The following CNTN4 variants were observed in gnomAD, a reference collection of about 807,000 sequenced individuals.
The protein encoded by CNTN4 is contactin-4.
Under a neutral mutation model 122.5 loss-of-function variants are expected in CNTN4, and 77 were observed. The observed-to-expected ratio is 0.63, with a 90% CI of 0.52 to 0.76. The LOEUF is 0.76. CNTN4 is among the 30% of genes least tolerant of loss of function. The pLI, the probability that CNTN4 is intolerant of heterozygous loss-of-function variation, is 0.00. For synonymous variants in CNTN4, 512 were observed against 447.0 expected (o/e 1.15, Z -1.83); for missense variants, 1,256 against 1,259.1 (o/e 1.00, Z 0.04).
intron 2 of CNTN4, among the ~76,000 whole-genome samples, chr3:2,157,744 A>T (rs17786662): frequency 0.5 from 75,594 of 152,044 alleles, 19,619 homozygotes; most frequent in East Asian, 0.76. Context: ...TCAAATTCTC[A>T]TCACTAAGTT....
intron 7 of CNTN4, among the ~76,000 whole-genome samples, chr3:2,861,960 T>C (rs1174610587): frequency 6.6e-6 from 1 of 152,254 alleles, no homozygotes. Flanking sequence ...TAAAGGAACA[T>C]ATGGCTTCCT....
chr3:2,902,778 C>G lies in CNTN4; in HGVS notation c.1078-98C>G, dbSNP rs930773075. The G allele has an allele frequency of 8.4e-6, 11 of 1,307,696 alleles. No homozygotes were observed. In the African/African-American group the frequency reaches 1.6e-4, roughly 19 times the overall value. 81.0% of individuals were successfully genotyped at this position (1,307,696 alleles called of 1,614,324 possible). ...AAATTGCTTATATGATGGCTGTTTT[C>G]TTCCCATTAAGCTTCCTTGATATTA... On this transcript the variant is annotated intron_variant, in intron 11 of 24. Transcript: ENST00000418658.
chr3:2,401,525 A>G (rs1575556521), intron 3 of CNTN4, among the ~76,000 whole-genome samples: 1 of 152,184 alleles, frequency 6.6e-6, no homozygotes, highest in Non-Finnish European at 1.5e-5. Context: ...TTCACAACTT[A>G]AAGCTTTATT....
chr3:2,298,358 G>A (rs927887077), intron 2 of CNTN4, among the ~76,000 whole-genome samples: 1 of 151,976 alleles, frequency 6.6e-6, no homozygotes, highest in Non-Finnish European at 1.5e-5. Context: ...GTCAGAATTA[G>A]TATATTAATT....
chr3:2,373,605 G>T (rs1232942544), intron 3 of CNTN4, among the ~76,000 whole-genome samples: 3 of 152,112 alleles, frequency 2.0e-5, no homozygotes, highest in Admixed American at 1.3e-4. Flanking sequence ...AATGCTTCTG[G>T]TACAAGCATG....
intron 2 of CNTN4, among the ~76,000 whole-genome samples, chr3:2,227,650 A>G (rs543389944): frequency 5.8e-4 from 89 of 152,298 alleles, no homozygotes; most frequent in South Asian, 4.6e-3. Flanking sequence ...AAGAACACAG[A>G]GAAGAGTGGC....
intron 2 of CNTN4, among the ~76,000 whole-genome samples, chr3:2,257,218 G>A (rs2040633162): frequency 6.6e-6 from 1 of 152,176 alleles, no homozygotes; most frequent in Non-Finnish European, 1.5e-5. Context: ...AATGGTGTTG[G>A]GAAAACTGGC....
At chr3:2,716,604 A>G (rs2087511739) in intron 4 of CNTN4, among the ~76,000 whole-genome samples, 1 of 152,196 alleles carries the variant, frequency 6.6e-6, no homozygotes, top group Non-Finnish European at 1.5e-5. Context: ...TTATTGGAGA[A>G]GAGATACACT....
At chr3:2,654,309 AT>A (rs2083485461) in intron 4 of CNTN4, among the ~76,000 whole-genome samples, 1 of 152,234 alleles carries the variant, frequency 6.6e-6, no homozygotes, top group Non-Finnish European at 1.5e-5. Context: ...TCCCCTCAAA[AT>A]TAGAAGTCTC....
At chr3:2,387,225 G>C (rs902085095) in intron 3 of CNTN4, among the ~76,000 whole-genome samples, 2 of 152,104 alleles carry the variant, frequency 1.3e-5, no homozygotes, top group African/African-American at 4.8e-5. Context: ...AGTCTATTTT[G>C]CTGTATATCT....
intron 3 of CNTN4, among the ~76,000 whole-genome samples, chr3:2,461,552 C>G (rs2049211274): frequency 6.6e-6 from 1 of 152,182 alleles, no homozygotes; most frequent in African/African-American, 2.4e-5. Flanking sequence ...AGAACCTGAG[C>G]TCTTAACCGC....
intron 3 of CNTN4, among the ~76,000 whole-genome samples, chr3:2,425,576 A>C (rs920266577): frequency 6.6e-6 from 1 of 152,086 alleles, no homozygotes; most frequent in Non-Finnish European, 1.5e-5. Context: ...TTCCATATGA[A>C]CTTTAAAGTA....
intron 12 of CNTN4, among the ~76,000 whole-genome samples, chr3:2,910,538 T>C (rs2094288855): frequency 6.6e-6 from 1 of 152,220 alleles, no homozygotes; most frequent in South Asian, 2.1e-4. Flanking sequence ...ATATGTTATT[T>C]TTCTCTTTGC....
chr3:2,804,086 C>G (rs926937073), intron 6 of CNTN4, among the ~76,000 whole-genome samples: 4 of 151,444 alleles, frequency 2.6e-5, no homozygotes, highest in Non-Finnish European at 5.9e-5. Flanking sequence ...CACACACACA[C>G]ACACACACAC....
intron 4 of CNTN4, among the ~76,000 whole-genome samples, chr3:2,610,128 C>T (rs892390884): frequency 7.9e-5 from 12 of 151,978 alleles, no homozygotes; most frequent in Admixed American, 4.6e-4. Flanking sequence ...ACACTCATTC[C>T]ATATTGTCTA....
intron 3 of CNTN4, among the ~76,000 whole-genome samples, chr3:2,486,020 T>C (rs756563888): frequency 6.6e-6 from 1 of 152,174 alleles, no homozygotes; most frequent in African/African-American, 2.4e-5. Context: ...TGCTGCTCAC[T>C]CTTTGGGTCC....
intron 4 of CNTN4, among the ~76,000 whole-genome samples, chr3:2,675,450 A>G (rs1026864474): frequency 5.2e-4 from 79 of 152,284 alleles, no homozygotes; most frequent in African/African-American, 1.9e-3. Context: ...CCACCCTCTC[A>G]GCCAGCCAAA....
intron 6 of CNTN4, among the ~76,000 whole-genome samples, chr3:2,780,829 T>C (rs960433484): frequency 6.6e-6 from 1 of 152,226 alleles, no homozygotes; most frequent in Admixed American, 6.5e-5. Flanking sequence ...CTGTTGGTCA[T>C]AGAGAATTAA....
At chr3:2,617,803 C>G (rs1289822303) in intron 4 of CNTN4, among the ~76,000 whole-genome samples, 1 of 151,932 alleles carries the variant, frequency 6.6e-6, no homozygotes, top group Non-Finnish European at 1.5e-5. Flanking sequence ...ATGATAATGT[C>G]TCTATTTCTT....
Sources: allele counts gnomAD v4.1 joint callset (sites outside exome capture counted in the v4.1 genomes callset), GRCh38; gene constraint gnomAD v4.1.1; transcripts MANE v1.5; gene names NCBI Gene and HGNC (gene_info 2026-07-23, HGNC 2026-07-21).